TMCO4: variants seen among roughly 807,000 people sequenced by gnomAD.
TMCO4 encodes transmembrane and coiled-coil domains 4, also known as transmembrane and coiled-coil domain-containing protein 4.
TMCO4 carries 58 observed loss-of-function variants against 64.7 expected under a neutral mutation model. That is an observed-to-expected ratio of 0.90 (90% confidence interval 0.73 to 1.12). The LOEUF (loss-of-function observed/expected upper bound fraction) is 1.12, where lower values mean the gene tolerates loss of function less well. TMCO4 is among the 50% of genes most tolerant of loss of function. The probability of loss-of-function intolerance (pLI) is 0.00; values close to 1 mark genes in which losing one functional copy is unlikely to be tolerated. For synonymous variants in TMCO4, 325 were observed against 346.1 expected (o/e 0.94, Z 0.68); for missense variants, 780 against 825.9 (o/e 0.94, Z 0.68).
rs763861687 is a variant in TMCO4 at position 19,746,456 on chromosome 1, C to T, written c.757G>A (p.Gly253Arg). ...ACCCATCATTCCTTTTGAACCTTAC[C>T]TGTCAGGCCAGCTCCAGCTGCACCA... ...LFGAAGAGLT[G>R]YKMKKRVGAI... Residue 253 changes from glycine (G) to arginine (R), a missense_variant and splice_region_variant, in exon 9 of 16, where the codon GGA becomes AGA. Gly to Arg is a moderately radical substitution (Grantham distance 125). Transcript: ENST00000294543. The T allele has an allele frequency of 1.1e-5, 17 of 1,613,202 alleles. No homozygotes were observed. The Admixed American group carries it at 1.7e-4, about 16-fold the overall frequency.
At chr1:19,796,787 A>G (rs561965999) in intron 2 of TMCO4, among the ~76,000 whole-genome samples, 1 of 152,046 alleles carries the variant, frequency 6.6e-6, no homozygotes, top group South Asian at 2.1e-4. Context: ...GTTGGCCAGG[A>G]TGGTCTCAAT....
rs184848099 is a variant in TMCO4 at position 19,698,101 on chromosome 1, C to T, written c.1382+2667G>A. On this transcript the variant is annotated intron_variant, in intron 14 of 15. Coordinates refer to ENST00000294543, the MANE Select transcript of TMCO4 (RefSeq NM_181719.7). ...GAACTCGCTGCCACTCTCTCCCAGG[C>T]CCTCCAGCCAATGCTGATGTGCAAG... Among the ~76,000 whole-genome samples, 216 of 152,328 alleles carry T rather than the reference C, an allele frequency of 1.4e-3. 3 individuals are homozygous for T. In the Middle Eastern group the frequency reaches 0.031, roughly 22 times the overall value.
chr1:19,695,970 T>C (rs1048528221), intron 14 of TMCO4, among the ~76,000 whole-genome samples: 1 of 152,058 alleles, frequency 6.6e-6, no homozygotes, highest in African/African-American at 2.4e-5. Context: ...CTCCAATACC[T>C]GCCCCTTGTG....
chr1:19,730,257 A>G (rs1166311184), intron 13 of TMCO4, among the ~76,000 whole-genome samples: 2 of 152,308 alleles, frequency 1.3e-5, no homozygotes, highest in African/African-American at 4.8e-5. Context: ...TCTGTCTCCT[A>G]CTGAGGAAAC....
intron 7 of TMCO4, among the ~76,000 whole-genome samples, chr1:19,754,784 G>C (rs551872144): frequency 1.1e-4 from 16 of 152,238 alleles, no homozygotes; most frequent in African/African-American, 3.4e-4. Context: ...GATGGGTCCG[G>C]GACACGTCGG....
rs955172961 is a variant in TMCO4 at position 19,710,846 on chromosome 1, A to G, written c.1265-9961T>C. Among the ~76,000 whole-genome samples the G allele has an allele frequency of 2.6e-5, 4 of 152,236 alleles. No homozygotes were observed. The South Asian group carries it at 8.3e-4, about 32-fold the overall frequency. ...GCAGGCTAGAATTTCCTAAAAGATT[A>G]ATATCCCGATGTATAGACCCGGCCA... On this transcript the variant is annotated intron_variant, in intron 13 of 15. Coordinates refer to ENST00000294543, the MANE Select transcript of TMCO4 (RefSeq NM_181719.7).
intron 13 of TMCO4, among the ~76,000 whole-genome samples, chr1:19,702,259 G>A (rs1181515605): frequency 1.2e-4 from 17 of 141,492 alleles, no homozygotes; most frequent in Admixed American, 4.6e-4. Flanking sequence ...GTGAGCCACC[G>A]TGCCTGGCCG....
chr1:19,798,450 C>T (rs2101191933), intron 1 of TMCO4, among the ~76,000 whole-genome samples: 1 of 152,340 alleles, frequency 6.6e-6, no homozygotes, highest in East Asian at 1.9e-4. Context: ...CCAACTCCTC[C>T]TTGGGCCTTA....
chr1:19,700,868 C>T lies in TMCO4; in HGVS notation c.1282G>A (p.Glu428Lys), dbSNP rs1372503555. 8 of 1,614,078 alleles carry T rather than the reference C, an allele frequency of 5.0e-6. No homozygotes were observed. Among genetic ancestry groups the T allele is most frequent in the African/African-American group, 1.3e-5 (1 of 74,944 alleles). Residue 428 changes from glutamate to lysine, a missense_variant, in exon 14 of 16, where the codon GAG becomes AAG. Coordinates refer to ENST00000294543, the MANE Select transcript of TMCO4 (RefSeq NM_181719.7). ...AQEKDCQGII[E>K]DVILLGAPVE... ...GGCGCACCCAGCAGGATGACGTCCTCGATGATTCCTTGGCAATCTGGCAAA... is the reference window on the plus strand; with the variant it reads ...GGCGCACCCAGCAGGATGACGTCCTTGATGATTCCTTGGCAATCTGGCAAA...
intron 8 of TMCO4, among the ~76,000 whole-genome samples, chr1:19,746,817 G>C (rs184794309): frequency 1.3e-5 from 2 of 151,638 alleles, no homozygotes; most frequent in Non-Finnish European, 2.9e-5. Context: ...CCAGCTACTC[G>C]GGAGGCTGAG....
At chr1:19,756,906 A>G (rs1416150515) in intron 6 of TMCO4, among the ~76,000 whole-genome samples, 2 of 152,248 alleles carry the variant, frequency 1.3e-5, no homozygotes, top group African/African-American at 4.8e-5. Context: ...ATAAATGCTT[A>G]TATAATGAAA....
chr1:19,789,541 CT>C lies in TMCO4; in HGVS notation c.-100-2425del, dbSNP rs564049068. Among the ~76,000 whole-genome samples, 17 of 152,212 alleles carry C rather than the reference CT, an allele frequency of 1.1e-4. No individual in the cohort carries two copies. The South Asian group carries it at 3.5e-3, about 32-fold the overall frequency. On this transcript the variant is annotated intron_variant, in intron 2 of 15. Coordinates refer to ENST00000294543, the MANE Select transcript of TMCO4 (RefSeq NM_181719.7). ...GGACTAGAGGTGATTGGTTTCTGTT[CT>C]TTCTATTTTTCTATATTTTTAGCAT...
At position 19,682,692 on chromosome 1, in the gene TMCO4, T is replaced by C. The variant is rs2095111674; in HGVS notation, c.*348A>G. ...GCCCCAGAGAGCCCTCGGGACCTCCTGATGGACAGCCAGACTCCAAAGCTA... is the reference window on the plus strand; with the variant it reads ...GCCCCAGAGAGCCCTCGGGACCTCCCGATGGACAGCCAGACTCCAAAGCTA... On this transcript the variant is annotated 3_prime_UTR_variant, in exon 16 of 16. Transcript: ENST00000294543. 1 of 717,610 alleles carries C rather than the reference T, an allele frequency of 1.4e-6. No individual in the cohort carries two copies. The highest frequency in any genetic ancestry group is 2.6e-6 in the Non-Finnish European group (1 of 385,182). The allele number at this position is 717,610 out of a possible 1,614,324, so 44.5% of individuals were successfully genotyped here. A position where few individuals can be genotyped will look rare whatever the true frequency, so the allele number is the denominator to read the frequency against.
chr1:19,700,792 C>T lies in TMCO4; in HGVS notation c.1358G>A (p.Gly453Glu), dbSNP rs769438240. The T allele has an allele frequency of 5.3e-5, 85 of 1,614,078 alleles. No homozygotes were observed. The highest frequency in any genetic ancestry group is 1.2e-4 in the Admixed American group (7 of 60,008). The change falls in exon 14 of 16, where the codon GGG (glycine) becomes GAG (glutamate). Residue 453 changes from glycine (G) to glutamate (E), a missense_variant. By Grantham distance (98) the Gly-to-Glu change is moderately conservative. Coordinates refer to ENST00000294543, the MANE Select transcript of TMCO4 (RefSeq NM_181719.7). ...CCTGCAGTAGCCGTTGATGATCCTC[C>T]CGGACACCACCTTCCGGAAAGGCTC... ...HWEPFRKVVSGRIINGYCRGD... is the reference protein window; with the variant it reads ...HWEPFRKVVSERIINGYCRGD...
chr1:19,699,558 A>G (rs2095258419), intron 14 of TMCO4, among the ~76,000 whole-genome samples: 1 of 150,552 alleles, frequency 6.6e-6, no homozygotes, highest in African/African-American at 2.4e-5. Context: ...CAGGCCCTCC[A>G]GCCAATGCTG....
chr1:19,789,961 G>A (rs1317892194), intron 2 of TMCO4, among the ~76,000 whole-genome samples: 2 of 151,174 alleles, frequency 1.3e-5, no homozygotes, highest in African/African-American at 2.4e-5. Flanking sequence ...GGTGAGGTGG[G>A]AGAATCACTT....
intron 15 of TMCO4, among the ~76,000 whole-genome samples, chr1:19,689,557 A>C (rs1303206105): frequency 6.6e-6 from 1 of 152,234 alleles, no homozygotes; most frequent in Non-Finnish European, 1.5e-5. Flanking sequence ...TAACTGGCCC[A>C]AGGTCACACA....
chr1:19,780,559 C>A, intron 4 of TMCO4, 21 bp downstream of exon 4: 1 of 1,572,344 alleles, frequency 6.4e-7, no homozygotes, highest in South Asian at 1.2e-5. Context: ...GACCTTCCCA[C>A]TGCAAGACAG....
chr1:19,758,397 A>G (rs902370371), intron 6 of TMCO4, among the ~76,000 whole-genome samples: 3 of 151,830 alleles, frequency 2.0e-5, no homozygotes, highest in Admixed American at 6.6e-5. Context: ...ATCGGGTTGT[A>G]GAAATCAAGC....
Sources: gnomAD v4.1 joint callset for allele counts (sites outside exome capture counted in the v4.1 genomes callset) on GRCh38, gnomAD v4.1.1 for gene constraint, MANE v1.5 for transcripts, NCBI Gene and HGNC (gene_info 2026-07-23, HGNC 2026-07-21) for gene names.